The following KPNA6 variants were observed in gnomAD, a reference collection of about 807,000 sequenced individuals.
KPNA6 encodes the protein karyopherin subunit alpha 6.
A neutral mutation model predicts 72.0 loss-of-function variants in KPNA6; 9 were observed. That is an observed-to-expected ratio of 0.13 (90% CI 0.08 to 0.22). The LOEUF (loss-of-function observed/expected upper bound fraction) is 0.22, where lower values mean the gene tolerates loss of function less well. KPNA6 is among the 10% of genes least tolerant of loss of function. The pLI is 1.00. For missense variants in KPNA6, 374 were observed against 655.7 expected (o/e 0.57, Z 4.69); for synonymous variants, 219 against 242.1 (o/e 0.90, Z 0.89).
intron 3 of KPNA6, among the ~76,000 whole-genome samples, 199 bp from the exon 4 acceptor site, chr1:32,157,147 A>T (rs1486777184): frequency 6.6e-6 from 1 of 152,232 alleles, no homozygotes; most frequent in African/African-American, 2.4e-5. Flanking sequence ...AGAAGCCATC[A>T]GTTGCCTCAG....
At chr1:32,155,675 C>T (rs996761059) in intron 2 of KPNA6, among the ~76,000 whole-genome samples, 4 of 151,428 alleles carry the variant, frequency 2.6e-5, no homozygotes, top group African/African-American at 7.3e-5. Context: ...TACGCCACCC[C>T]GCCAACAGAT....
At chr1:32,164,741 A>T (rs1218104911) in intron 10 of KPNA6, among the ~76,000 whole-genome samples, 8 of 119,564 alleles carry the variant, frequency 6.7e-5, no homozygotes, top group Admixed American at 1.7e-4. Flanking sequence ...CTCATGTTTT[A>T]ATTGGGTTGT....
chr1:32,155,742 A>T (rs1447608209), intron 2 of KPNA6, among the ~76,000 whole-genome samples: 1 of 144,430 alleles, frequency 6.9e-6, no homozygotes, highest in Non-Finnish European at 1.5e-5. Flanking sequence ...TTATTTATTT[A>T]TTGAGACAAG....
intron 10 of KPNA6, among the ~76,000 whole-genome samples, chr1:32,164,771 A>G (rs1200513233): frequency 5.3e-5 from 8 of 149,578 alleles, no homozygotes; most frequent in Non-Finnish European, 1.2e-4. Flanking sequence ...TGGTTGTTCA[A>G]TTTTAGGAGT....
intron 1 of KPNA6, among the ~76,000 whole-genome samples, chr1:32,152,706 G>A (rs1342151182): frequency 2.6e-5 from 4 of 151,904 alleles, no homozygotes; most frequent in African/African-American, 4.8e-5. Context: ...TTAGCCAGAC[G>A]TGGTGGCGGG....
Position 32,174,892 on chromosome 1 carries a change from C to A in KPNA6, c.*3998C>A, listed in dbSNP as rs1020580773. 1 of 152,180 alleles carries A rather than the reference C, an allele frequency of 6.6e-6. No homozygotes were observed. The highest frequency in any genetic ancestry group is 2.4e-5 in the African/African-American group (1 of 41,432). 9.4% of individuals were successfully genotyped at this position (152,180 alleles called of 1,614,324 possible). A position where few individuals can be genotyped will look rare whatever the true frequency, so the allele number is the denominator to read the frequency against. On this transcript the variant is annotated 3_prime_UTR_variant, in exon 14 of 14. Coordinates refer to ENST00000373625, the MANE Select transcript of KPNA6 (RefSeq NM_012316.5). ...GATATTGCTCAGAATAAATTTATTC[C>A]ATAGCCATTTAGGATTGCATGTTCT...
At chr1:32,165,364 G>A (rs1642313522) in intron 10 of KPNA6, among the ~76,000 whole-genome samples, 1 of 151,958 alleles carries the variant, frequency 6.6e-6, no homozygotes, top group African/African-American at 2.4e-5. Context: ...CCAATGTCTT[G>A]ATGCACAACA....
At chr1:32,132,645 T>C (rs1266527697) in intron 1 of KPNA6, among the ~76,000 whole-genome samples, 1 of 152,150 alleles carries the variant, frequency 6.6e-6, no homozygotes, top group African/African-American at 2.4e-5. Flanking sequence ...GGCTCAAGCC[T>C]GTAATCCCAG....
chr1:32,148,795 G>T (rs1018630324), intron 1 of KPNA6, among the ~76,000 whole-genome samples: 8 of 151,962 alleles, frequency 5.3e-5, no homozygotes, highest in African/African-American at 1.9e-4. Context: ...CTGACCTTGT[G>T]ATCCACCCGC....
chr1:32,114,556 A>C (rs189399797), intron 1 of KPNA6, among the ~76,000 whole-genome samples: 1 of 152,154 alleles, frequency 6.6e-6, no homozygotes, highest in Non-Finnish European at 1.5e-5. Context: ...GATTCAGCAT[A>C]CGTTTTAAGC....
chr1:32,167,651 G>C (rs7545446), intron 12 of KPNA6, among the ~76,000 whole-genome samples: 19,695 of 151,952 alleles, frequency 0.13, 1,714 homozygotes, highest in South Asian at 0.25. Context: ...CGTACTATGG[G>C]TTACTCAAAA....
At chr1:32,129,319 G>A (rs1005337837) in intron 1 of KPNA6, among the ~76,000 whole-genome samples, 5 of 151,500 alleles carry the variant, frequency 3.3e-5, no homozygotes, top group South Asian at 2.1e-4. Context: ...GTACCACCAT[G>A]CCTGGCTAAT....
intron 10 of KPNA6, among the ~76,000 whole-genome samples, chr1:32,165,855 G>T (rs961120401): frequency 2.0e-5 from 3 of 151,646 alleles, no homozygotes; most frequent in Admixed American, 2.0e-4. Flanking sequence ...AAAATTTTCC[G>T]GGCGTGGTGG....
intron 5 of KPNA6, 143 bp downstream of exon 5, chr1:32,158,504 A>G (rs920449094): frequency 7.1e-6 from 4 of 561,680 alleles, no homozygotes; most frequent in African/African-American, 3.8e-5. Flanking sequence ...TGGGGTATCC[A>G]TTTCCTCAAG....
chr1:32,140,164 C>T (rs1641812754), intron 1 of KPNA6, among the ~76,000 whole-genome samples: 1 of 152,146 alleles, frequency 6.6e-6, no homozygotes, highest in East Asian at 1.9e-4. Flanking sequence ...GCAGGCGGAT[C>T]ACAAGGTCAG....
intron 1 of KPNA6, among the ~76,000 whole-genome samples, chr1:32,144,022 A>G (rs1641887633): frequency 6.6e-6 from 1 of 152,252 alleles, no homozygotes; most frequent in South Asian, 2.1e-4. Context: ...GCAACGACAG[A>G]TGGTACCAAA....
Position 32,166,012 on chromosome 1 carries a change from A to AAAC in KPNA6, c.991-69_991-67dup, listed in dbSNP as rs780584561. 5,480 of 1,387,610 alleles carry AAAC rather than the reference A, an allele frequency of 3.9e-3. 35 individuals are homozygous for AAAC. The highest frequency in any genetic ancestry group is 4.1e-3 in the Non-Finnish European group (4,263 of 1,040,840). The allele number at this position is 1,387,610 out of a possible 1,614,324, so 86.0% of individuals were successfully genotyped here. A position where few individuals can be genotyped will look rare whatever the true frequency, so the allele number is the denominator to read the frequency against. On this transcript the variant is annotated intron_variant, in intron 10 of 13. Transcript: ENST00000373625. ...GACTCTGTCTCAAAAAAAAAAACAA[A>AAAC]AACAACAACAACAACAACAACAACA...
chr1:32,109,685 C>T (rs1290051984), intron 1 of KPNA6, among the ~76,000 whole-genome samples: 2 of 150,422 alleles, frequency 1.3e-5, no homozygotes, highest in Non-Finnish European at 3.0e-5. Context: ...GCTCTGTTGC[C>T]CAGGCTGGAG....
intron 3 of KPNA6, 77 bp downstream of exon 3, chr1:32,157,022 A>C: frequency 9.7e-7 from 1 of 1,030,914 alleles, no homozygotes; most frequent in Non-Finnish European, 1.5e-6. Context: ...CGTTCACATC[A>C]TCTACCAGCT....
Sources: gnomAD v4.1 joint callset for allele counts (sites outside exome capture counted in the v4.1 genomes callset) on GRCh38, gnomAD v4.1.1 for gene constraint, MANE v1.5 for transcripts, NCBI Gene and HGNC (gene_info 2026-07-23, HGNC 2026-07-21) for gene names.